The following TBC1D20 variants were observed in gnomAD, a reference collection of about 807,000 sequenced individuals.
The protein encoded by TBC1D20 is chromosome 20 open reading frame 140.
Under a neutral mutation model 41.6 loss-of-function variants are expected in TBC1D20, and 12 were observed. The observed-to-expected ratio is 0.29, with a 90% CI of 0.18 to 0.47. The LOEUF (loss-of-function observed/expected upper bound fraction) is 0.47, where lower values mean the gene tolerates loss of function less well. TBC1D20 is among the 20% of genes least tolerant of loss of function. The pLI is 1.00. For missense variants in TBC1D20, 421 were observed against 517.4 expected (o/e 0.81, Z 1.81); for synonymous variants, 205 against 204.8 (o/e 1.00, Z -0.01).
At chr20:447,558 T>C (rs565909809) in intron 2 of TBC1D20, among the ~76,000 whole-genome samples, 119 of 152,094 alleles carry the variant, frequency 7.8e-4, no homozygotes, top group Non-Finnish European at 1.3e-3. Flanking sequence ...CTAGGAAGGC[T>C]GAGGCAGGAA....
chr20:444,100 C>T (rs1256060742), intron 3 of TBC1D20, among the ~76,000 whole-genome samples: 1 of 151,246 alleles, frequency 6.6e-6, no homozygotes, highest in African/African-American at 2.4e-5. Context: ...CATTGCACTC[C>T]AGCCTGCAAC....
intron 2 of TBC1D20, among the ~76,000 whole-genome samples, chr20:447,526 C>T (rs938602705): frequency 2.6e-5 from 4 of 151,838 alleles, no homozygotes; most frequent in African/African-American, 7.3e-5. Flanking sequence ...GGCATGGTAG[C>T]GCATGTCTGT....
chr20:461,838 T>G (rs2017636023), intron 1 of TBC1D20, among the ~76,000 whole-genome samples: 1 of 152,246 alleles, frequency 6.6e-6, no homozygotes. Flanking sequence ...TTTCTAAGAA[T>G]CACTGAACTG....
rs112709340 is a variant in TBC1D20 at position 448,486 on chromosome 20, C to T, written c.71-412G>A. On this transcript the variant is annotated intron_variant, in intron 1 of 7. Transcript: ENST00000354200. ...TGGGCGGATCACAAGTTCAGGAATT[C>T]GAGACCAGCCTGGCCAATATGGTGA... 5.3e-3 allele frequency among the ~76,000 whole-genome samples: 813 copies of T among 152,002 alleles called. 9 individuals are homozygous for T. The highest frequency in any genetic ancestry group is 0.018 in the African/African-American group (763 of 41,462).
chr20:450,256 T>G (rs2122408458), intron 1 of TBC1D20, among the ~76,000 whole-genome samples: 1 of 152,012 alleles, frequency 6.6e-6, no homozygotes, highest in East Asian at 1.9e-4. Flanking sequence ...TCAAGTGATT[T>G]TCCTGCCTCA....
intron 2 of TBC1D20, among the ~76,000 whole-genome samples, chr20:446,309 A>C (rs533716930): frequency 6.6e-6 from 1 of 152,034 alleles, no homozygotes; most frequent in South Asian, 2.1e-4. Context: ...GGATTTTAGA[A>C]CTCCAAAGGA....
intron 2 of TBC1D20, 140 bp from the exon 3 acceptor site, chr20:445,270 T>C (rs1234798386): frequency 4.6e-6 from 3 of 653,758 alleles, no homozygotes; most frequent in Non-Finnish European, 8.3e-6. Context: ...AGATACAACA[T>C]TTGGCAGGGA....
Position 438,592 on chromosome 20 carries a change from A to G in TBC1D20, c.1206T>C (p.Phe402=), listed in dbSNP as rs1010849017. 2 of 1,613,746 alleles carry G rather than the reference A, an allele frequency of 1.2e-6. No homozygotes were observed. Among genetic ancestry groups the G allele is most frequent in the Non-Finnish European group, 1.7e-6 (2 of 1,179,638 alleles). ...GGAAGGTCTTCTCTGGCTTTCAGGG[A>G]AACAGCTGCAGCTGAAACTTAGGGG... ...EWAPKFQLQL[F]P The change falls in exon 8 of 8, where the codon TTT becomes TTC. Residue 402 remains phenylalanine (F), a synonymous_variant. Coordinates refer to ENST00000354200, the MANE Select transcript of TBC1D20 (RefSeq NM_144628.4).
At chr20:457,178 C>T (rs550692103) in intron 1 of TBC1D20, among the ~76,000 whole-genome samples, 22 of 151,746 alleles carry the variant, frequency 1.4e-4, no homozygotes, top group Admixed American at 5.9e-4. Flanking sequence ...TCAGGTGATC[C>T]GCCCACCTTG....
At chr20:448,117 G>GTGCAACTTTTC in intron 1 of TBC1D20, 43 bp from the exon 2 acceptor site, 1 of 1,483,154 alleles carries the variant, frequency 6.7e-7, no homozygotes, top group South Asian at 1.1e-5. Flanking sequence ...CATTCAGCAC[G>GTGCAACTTTTC]TGCATATTTT....
chr20:444,806 T>C (rs1329051456), intron 3 of TBC1D20, among the ~76,000 whole-genome samples: 1 of 152,150 alleles, frequency 6.6e-6, no homozygotes, highest in Non-Finnish European at 1.5e-5. Flanking sequence ...AACTCCTTTT[T>C]GTGGCTTCAA....
intron 1 of TBC1D20, among the ~76,000 whole-genome samples, chr20:448,689 G>GA (rs557901716): frequency 0.069 from 6,771 of 98,244 alleles, 501 homozygotes; most frequent in African/African-American, 0.2. Context: ...ACTCCGTCTT[G>GA]AAAAAAAAAA....
chr20:444,964 G>T, intron 3 of TBC1D20, 86 bp downstream of exon 3: 1 of 1,215,034 alleles, frequency 8.2e-7, no homozygotes, highest in Non-Finnish European at 1.2e-6. Flanking sequence ...CCCTGAGGCG[G>T]CAGGGTCCAG....
At chr20:455,599 CAG>C (rs1568465094) in intron 1 of TBC1D20, among the ~76,000 whole-genome samples, 1 of 151,788 alleles carries the variant, frequency 6.6e-6, no homozygotes, top group African/African-American at 2.4e-5. Context: ...GACTGGGCAA[CAG>C]AGTGACACTC....
rs1304928041 is a variant in TBC1D20, at chr20:439,317, T to G, written c.769-22A>C. Reference sequence around the variant, plus strand: ...CAATCTGTGGGGAGGTAGTAAAGCCTTGCAGTCAGAGGCCAGACACACAGG... The same window carrying G: ...CAATCTGTGGGGAGGTAGTAAAGCCGTGCAGTCAGAGGCCAGACACACAGG... On this transcript the variant is annotated intron_variant, in intron 6 of 7. Transcript: ENST00000354200. The surrounding 1 kb of genome is among the most constrained non-coding windows in gnomAD (Gnocchi z 4.6). 18 of 1,578,750 alleles carry G rather than the reference T, an allele frequency of 1.1e-5. No individual in the cohort carries two copies. The highest frequency in any genetic ancestry group is 1.6e-5 in the Non-Finnish European group (18 of 1,161,258).
intron 5 of TBC1D20, 136 bp downstream of exon 5, chr20:441,452 T>G: frequency 1.4e-6 from 1 of 728,786 alleles, no homozygotes; most frequent in South Asian, 1.7e-5. Flanking sequence ...TGCTGGTGAC[T>G]GGAACAACTG....
In TBC1D20 at chr20:462,491, C is replaced by A. The variant is rs972902186; in HGVS notation, c.-86G>T. ...GGCTCCGACCGCGGGACGTAGCACC[C>A]GCTCGGCATCGGCAGGCTCCCCTCC... On this transcript the variant is annotated 5_prime_UTR_variant, in exon 1 of 8. Coordinates refer to ENST00000354200, the MANE Select transcript of TBC1D20 (RefSeq NM_144628.4). 4 of 788,050 alleles carry A rather than the reference C, an allele frequency of 5.1e-6. No homozygotes were observed. The highest frequency in any genetic ancestry group is 1.9e-5 in the African/African-American group (1 of 53,876). 48.8% of individuals were successfully genotyped at this position (788,050 alleles called of 1,614,324 possible). A position where few individuals can be genotyped will look rare whatever the true frequency, so the allele number is the denominator to read the frequency against.
At chr20:461,178 C>A (rs2017622814) in intron 1 of TBC1D20, among the ~76,000 whole-genome samples, 1 of 152,182 alleles carries the variant, frequency 6.6e-6, no homozygotes, top group Non-Finnish European at 1.5e-5. Flanking sequence ...TAGGGAAAGT[C>A]ACCTTAGTCT....
intron 1 of TBC1D20, among the ~76,000 whole-genome samples, chr20:457,079 G>T (rs6084501): frequency 6.6e-6 from 1 of 151,648 alleles, no homozygotes. Flanking sequence ...TGGGATTACA[G>T]GCATGCACCA....
Sources: gnomAD v4.1 joint callset for allele counts (sites outside exome capture counted in the v4.1 genomes callset) on GRCh38, gnomAD v4.1.1 for gene constraint, Gnocchi (gnomAD v3.1) non-coding constraint, MANE v1.5 for transcripts, NCBI Gene and HGNC (gene_info 2026-07-23, HGNC 2026-07-21) for gene names.